The following PKD1 variants were observed in gnomAD, a reference collection of about 807,000 sequenced individuals.
PKD1 encodes the protein polycystin 1, transient receptor potential channel interacting.
A neutral mutation model predicts 361.7 loss-of-function variants in PKD1; 81 were observed. The ratio of observed to expected loss-of-function variants is 0.22; its 90% CI spans 0.19 to 0.27. The LOEUF (loss-of-function observed/expected upper bound fraction) is 0.27. Among genes scored for constraint, PKD1 ranks in the 10% least tolerant of loss-of-function variants. The pLI is 1.00. For synonymous variants in PKD1, 3,615 were observed against 2,818.3 expected, an observed-to-expected ratio of 1.28 and a Z score of -8.95; for missense variants, 6,399 against 6,118.3, an observed-to-expected ratio of 1.05 and a Z score of -1.53.
chr16:2,122,371 G>A (rs896397341), intron 1 of PKD1, among the ~76,000 whole-genome samples: 4 of 152,202 alleles, frequency 2.6e-5, no homozygotes, highest in African/African-American at 9.6e-5. Flanking sequence ...GAGGATCTGG[G>A]GGCCAGGCAC....
At position 2,091,086 on chromosome 16, in the gene PKD1, C is replaced by T. The variant is rs771855838; in HGVS notation, c.11801G>A (p.Gly3934Glu). 5 of 1,507,670 alleles carry T rather than the reference C, an allele frequency of 3.3e-6. No homozygotes were observed. The highest frequency in any genetic ancestry group is 5.2e-5 in the East Asian group (2 of 38,174). The allele number at this position is 1,507,670 out of a possible 1,614,324, so 93.4% of individuals were successfully genotyped here. Reference sequence around the variant, plus strand: ...CACCAGCAGCCACCGCGCCCAGGCTCCGAGCCGCAGCACGCGCCAGCGCCC... The same window carrying T: ...CACCAGCAGCCACCGCGCCCAGGCTTCGAGCCGCAGCACGCGCCAGCGCCC... ...REGRWRVLRL[G>E]AWARWLLVAL... The change falls in exon 43 of 46, where the codon GGA becomes GAA. Residue 3934 changes from glycine (G) to glutamate (E), a missense_variant. By Grantham distance (98) the Gly-to-Glu change is moderately conservative. Transcript: ENST00000262304.
intron 1 of PKD1, among the ~76,000 whole-genome samples, chr16:2,128,786 C>T (rs1017660834): frequency 6.6e-6 from 1 of 152,060 alleles, no homozygotes; most frequent in Non-Finnish European, 1.5e-5. Flanking sequence ...CTCACTGCGA[C>T]CTCTGCCTCC....
At position 2,112,855 on chromosome 16, in the gene PKD1, A is replaced by G; in HGVS notation, c.3094T>C (p.Ser1032Pro). ...LQVSTVPAVL[S>P]PNATLALTAG... Reference sequence around the variant, plus strand: ...GTCAGTGCTAGCGTGGCATTGGGGGACAGCACGGCCGGCACTGTGGAGACC... The same window carrying G: ...GTCAGTGCTAGCGTGGCATTGGGGGGCAGCACGGCCGGCACTGTGGAGACC... The change falls in exon 13 of 46, where the codon TCC (serine) becomes CCC (proline). Residue 1032 changes from serine (S) to proline (P), a missense_variant. Ser to Pro is a moderately conservative substitution (Grantham distance 74). Transcript: ENST00000262304. The G allele has an allele frequency of 1.9e-6, 3 of 1,605,612 alleles. No homozygotes were observed. The highest frequency in any genetic ancestry group is 2.5e-6 in the Non-Finnish European group (3 of 1,179,664).
Position 2,103,835 on chromosome 16 carries a change from G to C in PKD1, c.8222C>G (p.Ala2741Gly). 6.2e-7 allele frequency: 1 copy of C among 1,607,720 alleles called. No individual in the cohort carries two copies. The highest frequency in any genetic ancestry group is 8.5e-7 in the Non-Finnish European group (1 of 1,178,874). The change falls in exon 23 of 46, where the codon GCC becomes GGC. Residue 2741 changes from alanine (A) to glycine (G), a missense_variant. By Grantham distance (60) the Ala-to-Gly change is moderately conservative. Coordinates refer to ENST00000262304, the MANE Select transcript of PKD1 (RefSeq NM_001009944.3). ...CGCCACCATCCGAGATGGTGACTCG[G>C]CTCCCAGCTCTGAGGGCTGTGGTGC... ...VRAPQPSELG[A>G]ESPSRMVASQ...
rs149180202 is a variant in PKD1, at chr16:2,122,809, G to A, written c.216-3431C>T. On this transcript the variant is annotated intron_variant, in intron 1 of 45. Transcript: ENST00000262304. The stretch of plus-strand genomic sequence containing the variant: ...GGGCGAGAGGTGCTGCAGAGGCCAC[G>A]GTGAACACAGGCAGGCCCCCTGGAA... Among the ~76,000 whole-genome samples the A allele has an allele frequency of 2.5e-3, 387 of 152,292 alleles. 1 individual carries two copies. The highest frequency in any genetic ancestry group is 5.5e-3 in the African/African-American group (228 of 41,572).
rs781248814 is a variant in PKD1 at position 2,111,718 on chromosome 16, G to A, written c.3449C>T (p.Pro1150Leu). ...AAGAACACCCCCAGGCGAGGGCAGC[G>A]GGTGCGGGTAGAAGGTGACGGGCCG... ...AGRPVTFYPHPLPSPGGVLYT... is the reference protein window; with the variant it reads ...AGRPVTFYPHLLPSPGGVLYT... Residue 1150 changes from proline to leucine, a missense_variant, in exon 15 of 46, where the codon CCG (proline) becomes CTG (leucine). Physicochemically the swap from Pro to Leu is moderately conservative, Grantham distance 98 (BLOSUM62 -3). Transcript: ENST00000262304. The A allele has an allele frequency of 8.2e-6, 13 of 1,591,684 alleles. No individual in the cohort carries two copies. The highest frequency in any genetic ancestry group is 5.4e-5 in the African/African-American group (4 of 74,580).
Position 2,110,887 on chromosome 16 carries a change from C to G in PKD1, c.4280G>C (p.Arg1427Thr), listed in dbSNP as rs1036172498. 5.0e-6 allele frequency: 8 copies of G among 1,611,736 alleles called. No homozygotes were observed. In the South Asian group the frequency reaches 5.5e-5, roughly 11 times the overall value. The change falls in exon 15 of 46, where the codon AGG becomes ACG. Residue 1427 changes from arginine to threonine, a missense_variant. Physicochemically the swap from Arg to Thr is moderately conservative, Grantham distance 71 (BLOSUM62 -1). Coordinates refer to ENST00000262304, the MANE Select transcript of PKD1 (RefSeq NM_001009944.3). ...GTEEAAPTRA[R>T]GPEVTFIYRD... Reference sequence around the variant, plus strand: ...GTAGATGAACGTCACCTCAGGGCCCCTGGCACGGGTGGGGGCGGCTTCCTC... The same window carrying G: ...GTAGATGAACGTCACCTCAGGGCCCGTGGCACGGGTGGGGGCGGCTTCCTC...
At position 2,119,289 on chromosome 16, in the gene PKD1, C is replaced by T. The variant is rs1004360952; in HGVS notation, c.287+18G>A. 9.1e-6 allele frequency: 10 copies of T among 1,093,420 alleles called. No homozygotes were observed. The highest frequency in any genetic ancestry group is 1.3e-5 in the South Asian group (1 of 75,540). The allele number at this position is 1,093,420 out of a possible 1,614,324, so 67.7% of individuals were successfully genotyped here. A position where few individuals can be genotyped will look rare whatever the true frequency, so the allele number is the denominator to read the frequency against. ...CCGGAGTGAGCCCCGCATGCTGGCA[C>T]GACTGGGGGACACTCACAGCTCTGC... is the stretch of plus-strand genomic sequence containing the variant. On this transcript the variant is annotated intron_variant, in intron 2 of 45. Transcript: ENST00000262304.
chr16:2,102,413 C>A lies in PKD1; in HGVS notation c.9169G>T (p.Val3057Leu). 1.9e-6 allele frequency: 3 copies of A among 1,556,470 alleles called. No homozygotes were observed. The highest frequency in any genetic ancestry group is 1.2e-5 in the South Asian group (1 of 85,184). ...HLTAFGASLF[V>L]PPSHVRFVFP... Reference sequence around the variant, plus strand: ...ACAAAGCGGACATGGCTTGGGGGCACGAAGAGGCTGGCGCCGAAGGCGGTG... The same window carrying A: ...ACAAAGCGGACATGGCTTGGGGGCAAGAAGAGGCTGGCGCCGAAGGCGGTG... Residue 3057 changes from valine to leucine, a missense_variant, in exon 25 of 46, where the codon GTG becomes TTG. Val to Leu is a conservative substitution (Grantham distance 32). Coordinates refer to ENST00000262304, the MANE Select transcript of PKD1 (RefSeq NM_001009944.3).
intron 11 of PKD1, chr16:2,113,942 T>C (rs2151811680): frequency 1.7e-6 from 1 of 593,194 alleles, no homozygotes; most frequent in East Asian, 2.8e-5. Flanking sequence ...TTTTGTGAAA[T>C]GAGACAGTGG....
At chr16:2,135,370 G>A (rs1009266252) in intron 1 of PKD1, 105 bp downstream of exon 1, 60 of 1,063,524 alleles carry the variant, frequency 5.6e-5, no homozygotes, top group Non-Finnish European at 6.5e-5. Flanking sequence ...GCCTCGCCCT[G>A]GGAGCGTCCT....
rs759035704 is a variant in PKD1, at chr16:2,091,103, C to A, written c.11784G>T (p.Trp3928Cys). The A allele has an allele frequency of 3.5e-5, 52 of 1,495,754 alleles. No individual in the cohort carries two copies. In the South Asian group the frequency reaches 6.3e-4, roughly 18 times the overall value. 92.7% of individuals were successfully genotyped at this position (1,495,754 alleles called of 1,614,324 possible). The stretch of plus-strand genomic sequence containing the variant: ...CCCAGGCTCCGAGCCGCAGCACGCG[C>A]CAGCGCCCTTCCCTGTGCCAAGTAC... Reference protein sequence around the residue: ...EARTWHREGRWRVLRLGAWAR... With the variant: ...EARTWHREGRCRVLRLGAWAR... The change falls in exon 43 of 46, where the codon TGG becomes TGT. Residue 3928 changes from tryptophan to cysteine, a missense_variant. Trp to Cys is a radical substitution (Grantham distance 215). Transcript: ENST00000262304.
Position 2,092,143 on chromosome 16 carries a change from G to A in PKD1, c.11315C>T (p.Ala3772Val), listed in dbSNP as rs1432331176. 1.2e-6 allele frequency: 2 copies of A among 1,612,588 alleles called. No individual in the cohort carries two copies. Among genetic ancestry groups the A allele is most frequent in the East Asian group, 2.2e-5 (1 of 44,868 alleles). Residue 3772 changes from alanine (A) to valine (V), a missense_variant, in exon 40 of 46, where the codon GCC becomes GTC. Ala to Val is a moderately conservative substitution (Grantham distance 64). Coordinates refer to ENST00000262304, the MANE Select transcript of PKD1 (RefSeq NM_001009944.3). ...ATCGCTGGTGCTGAAGCCTCCTGCG[G>A]CCGAGCACGTGTGGACCCTGGGGCC... Reference protein sequence around the residue: ...PPGPRVHTCSAAGGFSTSDYD... With the variant: ...PPGPRVHTCSVAGGFSTSDYD...
chr16:2,133,335 G>C (rs1374689315), intron 1 of PKD1: 1 of 148,692 alleles, frequency 6.7e-6, no homozygotes, highest in Non-Finnish European at 1.5e-5. Flanking sequence ...CCTCCACCTG[G>C]AACTGGACAC....
At position 2,104,614 on chromosome 16, in the gene PKD1, G is replaced by C. The variant is rs151308544; in HGVS notation, c.8045C>G (p.Ser2682Trp). The change falls in exon 22 of 46, where the codon TCG becomes TGG. Residue 2682 changes from serine (S) to tryptophan (W), a missense_variant. Physicochemically the swap from Ser to Trp is radical, Grantham distance 177 (BLOSUM62 -3). Transcript: ENST00000262304. ...CTTGTGCAGCGTCTGCTTCAGGCAC[G>C]AGCGGCATACGAGCTCCCTGCTGGG... Reference protein sequence around the residue: ...MGPSRELVCRSCLKQTLHKLE... With the variant: ...MGPSRELVCRWCLKQTLHKLE... The C allele has an allele frequency of 3.2e-6, 5 of 1,585,004 alleles. No individual in the cohort carries two copies. The East Asian group carries it at 6.8e-5, about 22-fold the overall frequency.
intron 30 of PKD1, chr16:2,099,403 A>C (rs559413439): frequency 3.4e-6 from 2 of 583,572 alleles, no homozygotes; most frequent in African/African-American, 1.9e-5. Context: ...GCTGCTGTGC[A>C]GTCGTCCGTG....
intron 1 of PKD1, among the ~76,000 whole-genome samples, chr16:2,133,846 G>C (rs1433338584): frequency 6.6e-6 from 1 of 151,858 alleles, no homozygotes; most frequent in Non-Finnish European, 1.5e-5. Context: ...CCAAACCCCA[G>C]GACCAGAGCC....
At chr16:2,125,781 G>A (rs71385738) in intron 1 of PKD1, among the ~76,000 whole-genome samples, 31,110 of 150,190 alleles carry the variant, frequency 0.21, 3,741 homozygotes, top group African/African-American at 0.31. Flanking sequence ...GCCCCTGCAC[G>A]CAGCTGACAT....
intron 1 of PKD1, chr16:2,133,214 C>T (rs2092910300): frequency 6.7e-6 from 1 of 150,244 alleles, no homozygotes; most frequent in African/African-American, 2.5e-5. Context: ...CACGAAGCTT[C>T]GAGCCACGCA....
Sources: allele counts gnomAD v4.1 joint callset (sites outside exome capture counted in the v4.1 genomes callset), GRCh38; gene constraint gnomAD v4.1.1; transcripts MANE v1.5; gene names NCBI Gene and HGNC (gene_info 2026-07-23, HGNC 2026-07-21).